Variants in MCTP2 observed in about 807,000 individuals in gnomAD.
MCTP2 encodes the protein multiple C2 and transmembrane domain containing 2.
In MCTP2, 132 loss-of-function variants were observed where a neutral mutation model predicts 111.6. The ratio of observed to expected loss-of-function variants is 1.18; its 90% confidence interval spans 1.03 to 1.37. The LOEUF (loss-of-function observed/expected upper bound fraction) is 1.37, where lower values mean the gene tolerates loss of function less well. MCTP2 is among the 40% of genes most tolerant of loss of function. The pLI is 0.00. For missense variants in MCTP2, 1,183 were observed against 1,067.9 expected (o/e 1.11, Z -1.50); for synonymous variants, 395 against 387.7 (o/e 1.02, Z -0.22).
chr15:94,387,580 G>A (rs543754545), intron 14 of MCTP2, among the ~76,000 whole-genome samples: 30 of 152,284 alleles, frequency 2.0e-4, no homozygotes, highest in African/African-American at 7.0e-4. Flanking sequence ...TTGTTCATTC[G>A]TTTGTTCCAC....
At chr15:94,296,310 G>A (rs760199625) in intron 1 of MCTP2, among the ~76,000 whole-genome samples, 9 of 152,306 alleles carry the variant, frequency 5.9e-5, no homozygotes, top group East Asian at 3.9e-4. Context: ...TTAGGATAAC[G>A]TTTTTAAAAG....
At chr15:94,475,099 A>G (rs1006070197) in intron 21 of MCTP2, among the ~76,000 whole-genome samples, 10 of 152,090 alleles carry the variant, frequency 6.6e-5, no homozygotes, top group African/African-American at 1.9e-4. Context: ...TCCCTTCATC[A>G]TTTTGCCTTG....
At chr15:94,244,138 G>A (rs199608841) in intron 1 of MCTP2, among the ~76,000 whole-genome samples, 56,332 of 137,788 alleles carry the variant, frequency 0.41, 11,963 homozygotes, top group African/African-American at 0.44. Context: ...GTATACACAT[G>A]CATATGTGTA....
chr15:94,243,854 TATACAC>T (rs2071387946), intron 1 of MCTP2, among the ~76,000 whole-genome samples: 1 of 148,296 alleles, frequency 6.7e-6, no homozygotes, highest in African/African-American at 2.5e-5. Context: ...CACATATATG[TATACAC>T]ATACATATGT....
intron 4 of MCTP2, among the ~76,000 whole-genome samples, chr15:94,326,381 A>G (rs959835938): frequency 2.0e-5 from 3 of 152,148 alleles, no homozygotes; most frequent in Admixed American, 6.6e-5. Context: ...TTACTTTTTC[A>G]TATATTTGCA....
chr15:94,330,058 T>C (rs905303687), intron 4 of MCTP2, among the ~76,000 whole-genome samples: 7 of 152,226 alleles, frequency 4.6e-5, no homozygotes, highest in South Asian at 2.1e-4. Context: ...CATGGCATGT[T>C]TTTTCTATGC....
At chr15:94,336,837 T>C (rs1201815021) in intron 4 of MCTP2, among the ~76,000 whole-genome samples, 1 of 152,038 alleles carries the variant, frequency 6.6e-6, no homozygotes, top group Non-Finnish European at 1.5e-5. Flanking sequence ...AACATGTTGA[T>C]AGTCTACGTC....
At chr15:94,380,628 C>T (rs1038337297) in intron 12 of MCTP2, among the ~76,000 whole-genome samples, 5 of 151,892 alleles carry the variant, frequency 3.3e-5, no homozygotes, top group Non-Finnish European at 7.4e-5. Flanking sequence ...ATTAGCTGGG[C>T]GTGGTGGCAC....
intron 14 of MCTP2, among the ~76,000 whole-genome samples, chr15:94,393,099 A>T (rs1297278531): frequency 6.6e-6 from 1 of 152,194 alleles, no homozygotes; most frequent in African/African-American, 2.4e-5. Context: ...GAATAATAAT[A>T]TGTATTATCT....
intron 1 of MCTP2, among the ~76,000 whole-genome samples, chr15:94,267,939 C>A (rs1031498306): frequency 7.8e-6 from 1 of 128,094 alleles, no homozygotes; most frequent in Non-Finnish European, 1.6e-5. Context: ...GATCTTGGCT[C>A]ACTGCAAGCT....
intron 22 of MCTP2, among the ~76,000 whole-genome samples, chr15:94,478,270 G>A (rs1021165981): frequency 2.0e-5 from 3 of 152,164 alleles, no homozygotes; most frequent in African/African-American, 7.2e-5. Flanking sequence ...CCCTCAAAGT[G>A]GCCATTCCAG....
chr15:94,328,290 G>A (rs998921339), intron 4 of MCTP2, among the ~76,000 whole-genome samples: 20 of 151,708 alleles, frequency 1.3e-4, no homozygotes, highest in South Asian at 4.2e-4. Context: ...CACCACGCCC[G>A]GCTAATTTTT....
intron 20 of MCTP2, among the ~76,000 whole-genome samples, chr15:94,465,894 C>G (rs961314524): frequency 2.6e-5 from 4 of 152,088 alleles, no homozygotes; most frequent in Non-Finnish European, 5.9e-5. Flanking sequence ...CTTTTAATGT[C>G]TTCCCAGTCA....
At chr15:94,382,755 A>C (rs928823489) in intron 12 of MCTP2, among the ~76,000 whole-genome samples, 1 of 152,272 alleles carries the variant, frequency 6.6e-6, no homozygotes, top group African/African-American at 2.4e-5. Context: ...ATTTGTTGGA[A>C]CAGCGTCTGT....
Position 94,358,533 on chromosome 15 carries a change from T to C in MCTP2, c.1222T>C (p.Tyr408His). The C allele has an allele frequency of 6.2e-7, 1 of 1,613,814 alleles. No individual in the cohort carries two copies. Among genetic ancestry groups the C allele is most frequent in the South Asian group, 1.1e-5 (1 of 91,090 alleles). Reference protein sequence around the residue: ...PQWQEQFDFHYFSDRMGILDI... With the variant: ...PQWQEQFDFHHFSDRMGILDI... ...GTGGCAGGAACAGTTTGACTTTCAC[T>C]ACTTCTCTGACAGGATGGGCATTTT... The change falls in exon 10 of 23, where the codon TAC becomes CAC. Residue 408 changes from tyrosine to histidine, a missense_variant. Transcript: ENST00000357742.
chr15:94,458,448 A>C (rs558172682), intron 20 of MCTP2, among the ~76,000 whole-genome samples: 1 of 152,344 alleles, frequency 6.6e-6, no homozygotes, highest in Admixed American at 6.5e-5. Flanking sequence ...GGGTGACCAT[A>C]CGGCCCAGTT....
chr15:94,295,176 C>G (rs2152330485), intron 1 of MCTP2, among the ~76,000 whole-genome samples: 1 of 152,020 alleles, frequency 6.6e-6, no homozygotes, highest in South Asian at 2.1e-4. Flanking sequence ...TCTCGAACTC[C>G]TGACCTCAAG....
chr15:94,371,805 C>CA (rs1455418727), intron 12 of MCTP2, among the ~76,000 whole-genome samples: 9 of 152,316 alleles, frequency 5.9e-5, no homozygotes, highest in Non-Finnish European at 1.0e-4. Context: ...TCTCCTGCCT[C>CA]AGTCTCCCCA....
intron 4 of MCTP2, among the ~76,000 whole-genome samples, chr15:94,332,423 C>G (rs190690020): frequency 7.6e-4 from 115 of 152,244 alleles, no homozygotes; most frequent in Non-Finnish European, 1.2e-3. Flanking sequence ...AGAATAGTCA[C>G]TTATTACTCT....
Sources: gnomAD v4.1 joint callset for allele counts (sites outside exome capture counted in the v4.1 genomes callset) on GRCh38, gnomAD v4.1.1 for gene constraint, MANE v1.5 for transcripts, NCBI Gene and HGNC (gene_info 2026-07-23, HGNC 2026-07-21) for gene names.